Variants in MAP4 observed in about 807,000 individuals in gnomAD.
MAP4 encodes microtubule associated protein 4, also known as microtubule-associated protein 4.
A neutral mutation model predicts 170.2 loss-of-function variants in MAP4; 76 were observed. That is an observed-to-expected ratio of 0.45 (90% CI 0.37 to 0.54). The LOEUF is 0.54. Ranked by LOEUF, MAP4 falls within the 20% of genes least tolerant of loss-of-function variation. The pLI is 0.00. For missense variants in MAP4, 2,506 were observed against 2,748.0 expected (o/e 0.91, Z 1.97); for synonymous variants, 909 against 994.5 (o/e 0.91, Z 1.62).
intron 1 of MAP4, among the ~76,000 whole-genome samples, chr3:48,079,340 A>T (rs1333734681): frequency 6.6e-6 from 1 of 151,990 alleles, no homozygotes; most frequent in Non-Finnish European, 1.5e-5. Context: ...ATGGATACTC[A>T]ACCTATATCT....
chr3:48,008,265 C>T (rs1385373059), intron 1 of MAP4, among the ~76,000 whole-genome samples: 1 of 152,230 alleles, frequency 6.6e-6, no homozygotes, highest in Non-Finnish European at 1.5e-5. Context: ...CACTGATGGC[C>T]TCATGGGGAG....
intron 3 of MAP4, among the ~76,000 whole-genome samples, chr3:47,967,329 C>T (rs6806820): frequency 0.37 from 56,624 of 151,224 alleles, 11,275 homozygotes; most frequent in African/African-American, 0.52. Context: ...AGCGAGACTC[C>T]GTCACAAAAA....
intron 1 of MAP4, 115 bp downstream of exon 1, chr3:48,016,219 C>T (rs2100107754): frequency 6.6e-6 from 1 of 151,458 alleles, no homozygotes; most frequent in South Asian, 2.1e-4. Context: ...CCCCCACCCC[C>T]CATTTAAGGG....
rs1412634559 is a variant in MAP4, at chr3:47,911,689, G to A, written c.2732C>T (p.Thr911Ile). ...TACTGACTGGCTTTTATCTACAGGA[G>A]TCTTCAGGTGGGGTGCAGGCTGTGG... ...YKPQPAPHLK[T>I]PVDKSQSVGP... Residue 911 changes from threonine (T) to isoleucine (I), a missense_variant, in exon 9 of 21, where the codon ACT (threonine) becomes ATT (isoleucine). Thr to Ile is a moderately conservative substitution (Grantham distance 89). Around this residue, in one of 3 missense-constraint regions of MAP4, gnomAD observed 2,008 missense variants for 2,206.0 expected, o/e 0.91. Transcript: ENST00000683076. The surrounding 1 kb of genome is among the most constrained non-coding windows in gnomAD (Gnocchi z 4.0). 2 of 1,536,004 alleles carry A rather than the reference G, an allele frequency of 1.3e-6. No individual in the cohort carries two copies. The highest frequency in any genetic ancestry group is 2.4e-5 in the East Asian group (1 of 40,928).
In MAP4 at chr3:47,889,335, G is replaced by A. The variant is rs1162844170; in HGVS notation, c.5435-11812C>T. 3.9e-5 allele frequency among the ~76,000 whole-genome samples: 6 copies of A among 152,110 alleles called. No individual in the cohort carries two copies. In the South Asian group the frequency reaches 6.2e-4, roughly 16 times the overall value. ...CCCTTGCCTGGAAGGCTTTCCCTCC[G>A]CATTATTTGGCATCCCAGGGTTCCA... On this transcript the variant is annotated intron_variant, in intron 10 of 20. Coordinates refer to ENST00000683076, the MANE Select transcript of MAP4 (RefSeq NM_001385682.1).
intron 3 of MAP4, among the ~76,000 whole-genome samples, chr3:47,929,328 C>T (rs779624661): frequency 1.3e-5 from 2 of 152,008 alleles, no homozygotes; most frequent in African/African-American, 2.4e-5. Flanking sequence ...TGCACTACAG[C>T]CTGGGTGACA....
intron 1 of MAP4, among the ~76,000 whole-genome samples, chr3:48,087,714 C>T (rs1049489151): frequency 6.7e-6 from 1 of 148,472 alleles, no homozygotes; most frequent in African/African-American, 2.5e-5. Flanking sequence ...CGCACACACA[C>T]ATACACACGC....
chr3:47,910,663 A>C lies in MAP4; in HGVS notation c.3758T>G (p.Ile1253Ser). Residue 1253 changes from isoleucine (I) to serine (S), a missense_variant, in exon 9 of 21, where the codon ATT (isoleucine) becomes AGT (serine). By Grantham distance (142) the Ile-to-Ser change is moderately radical. Around this residue, in one of 3 missense-constraint regions of MAP4, gnomAD observed 2,008 missense variants for 2,206.0 expected, o/e 0.91. Transcript: ENST00000683076. Reference protein sequence around the residue: ...FEGKDGDTGSIPHKSKEIGFT... With the variant: ...FEGKDGDTGSSPHKSKEIGFT... ...TCCTATTTCCTTGCTTTTATGGGGAATACTACCAGTATCTCCATCCTTCCC... is the reference window on the plus strand; with the variant it reads ...TCCTATTTCCTTGCTTTTATGGGGACTACTACCAGTATCTCCATCCTTCCC... 2 of 1,536,108 alleles carry C rather than the reference A, an allele frequency of 1.3e-6. No homozygotes were observed. The highest frequency in any genetic ancestry group is 1.2e-5 in the South Asian group (1 of 84,062).
At chr3:47,986,323 G>T (rs2100088641) in intron 2 of MAP4, among the ~76,000 whole-genome samples, 1 of 150,544 alleles carries the variant, frequency 6.6e-6, no homozygotes, top group African/African-American at 2.5e-5. Context: ...TTGTTGCTTT[G>T]TTTTTTGTTT....
chr3:47,952,819 G>C (rs1271340951), intron 3 of MAP4, among the ~76,000 whole-genome samples: 1 of 152,038 alleles, frequency 6.6e-6, no homozygotes, highest in East Asian at 1.9e-4. Flanking sequence ...AACTACTCGG[G>C]AGGCTGAGGC....
chr3:47,953,886 C>A (rs942432182), intron 3 of MAP4, among the ~76,000 whole-genome samples: 1 of 151,718 alleles, frequency 6.6e-6, no homozygotes. Context: ...TGGTGGTGCA[C>A]AACTGTAATC....
At chr3:47,952,714 G>C (rs781331095) in intron 3 of MAP4, among the ~76,000 whole-genome samples, 1 of 151,794 alleles carries the variant, frequency 6.6e-6, no homozygotes, top group African/African-American at 2.4e-5. Context: ...CGCGAGATCA[G>C]GAGTTCGAGA....
chr3:47,915,807 G>T, intron 7 of MAP4, 144 bp downstream of exon 7: 1 of 826,748 alleles, frequency 1.2e-6, no homozygotes, highest in Non-Finnish European at 1.8e-6. Context: ...GCGGGAAAGA[G>T]TTGTCTAGGA....
rs116531432 is a variant in MAP4, at chr3:48,053,719, G to A, written c.-20+35054C>T. 4.0e-3 allele frequency among the ~76,000 whole-genome samples: 614 copies of A among 152,162 alleles called. 6 individuals are homozygous for A. Among genetic ancestry groups the A allele is most frequent in the African/African-American group, 0.014 (595 of 41,518 alleles). On this transcript the variant is annotated intron_variant, in intron 1 of 18. Transcript: ENST00000360240. ...ATCTGTCTCTCAGGCACTCGACCTAGGGGAGTAACACATATTGATGATCTC... is the reference window on the plus strand; with the variant it reads ...ATCTGTCTCTCAGGCACTCGACCTAAGGGAGTAACACATATTGATGATCTC...
Position 47,955,433 on chromosome 3 carries a change from C to T in MAP4, c.292+22432G>A, listed in dbSNP as rs112737843. 6.0e-3 allele frequency among the ~76,000 whole-genome samples: 651 copies of T among 108,024 alleles called. 4 individuals carry two copies. Among genetic ancestry groups the T allele is most frequent in the Admixed American group, 0.016 (130 of 8,314 alleles). 70.9% of individuals were successfully genotyped at this position (108,024 alleles called of 152,430 possible). On this transcript the variant is annotated intron_variant, in intron 3 of 20. Coordinates refer to ENST00000683076, the MANE Select transcript of MAP4 (RefSeq NM_001385682.1). ...TTCCAAAAAAATAAATAAATAAGCACGTACACACACACACACACACACACA... is the reference window on the plus strand; with the variant it reads ...TTCCAAAAAAATAAATAAATAAGCATGTACACACACACACACACACACACA...
chr3:47,867,178 GCT>G (rs2151718671), intron 17 of MAP4, 66 bp downstream of exon 17: 1 of 1,090,694 alleles, frequency 9.2e-7, no homozygotes, highest in South Asian at 1.3e-5. Flanking sequence ...TGGGCACCTG[GCT>G]CTCTCCCTAG....
At chr3:47,878,288 T>C (rs1453740020) in intron 10 of MAP4, among the ~76,000 whole-genome samples, 1 of 151,840 alleles carries the variant, frequency 6.6e-6, no homozygotes, top group Non-Finnish European at 1.5e-5. Context: ...AAAAACAAAA[T>C]AAGACAAAAC....
chr3:47,966,090 A>G (rs2100074717), intron 3 of MAP4, among the ~76,000 whole-genome samples: 1 of 151,898 alleles, frequency 6.6e-6, no homozygotes, highest in East Asian at 1.9e-4. Context: ...AGAGAGGGAG[A>G]GACAGGATTT....
intron 13 of MAP4, 38 bp downstream of exon 13, chr3:47,871,879 C>T: frequency 6.4e-7 from 1 of 1,561,630 alleles, no homozygotes; most frequent in African/African-American, 1.4e-5. Flanking sequence ...CCCATTTTCC[C>T]CTCCCTAGTT....
Sources: gnomAD v4.1 joint callset for allele counts (sites outside exome capture counted in the v4.1 genomes callset) on GRCh38, gnomAD v4.1.1 for gene constraint, gnomAD v4.1.1 regional missense constraint, Gnocchi (gnomAD v3.1) non-coding constraint, MANE v1.5 for transcripts, NCBI Gene and HGNC (gene_info 2026-07-23, HGNC 2026-07-21) for gene names.